CYP7B1: variants seen among roughly 807,000 people sequenced by gnomAD.
CYP7B1 encodes the protein cytochrome P450 7B1.
Under a neutral mutation model 42.7 loss-of-function variants are expected in CYP7B1, and 29 were observed. The ratio of observed to expected loss-of-function variants is 0.68; its 90% CI spans 0.51 to 0.93. CYP7B1 has a LOEUF of 0.93. Among genes scored for constraint, CYP7B1 ranks in the 40% least tolerant of loss-of-function variants. The probability of loss-of-function intolerance (pLI) is 0.00; values close to 1 mark genes in which losing one functional copy is unlikely to be tolerated. For synonymous variants in CYP7B1, 235 were observed against 218.2 expected (o/e 1.08, Z -0.68); for missense variants, 655 against 600.5 (o/e 1.09, Z -0.95).
At chr8:64,680,133 C>A (rs1454061474) in intron 1 of CYP7B1, among the ~76,000 whole-genome samples, 2 of 152,008 alleles carry the variant, frequency 1.3e-5, no homozygotes, top group Non-Finnish European at 2.9e-5. Flanking sequence ...GTAGATTCTA[C>A]CTACAAGTGA....
intron 1 of CYP7B1, among the ~76,000 whole-genome samples, chr8:64,781,759 G>T (rs1350643150): frequency 6.6e-6 from 1 of 152,040 alleles, no homozygotes; most frequent in African/African-American, 2.4e-5. Context: ...CCATGTAACC[G>T]AACATATTCA....
chr8:64,759,914 A>G (rs1281985320), intron 1 of CYP7B1, among the ~76,000 whole-genome samples: 1 of 152,178 alleles, frequency 6.6e-6, no homozygotes, highest in Non-Finnish European at 1.5e-5. Flanking sequence ...GAAGTTCACC[A>G]TTTTATTTTC....
At chr8:64,618,936 G>A (rs1192767780) in intron 2 of CYP7B1, among the ~76,000 whole-genome samples, 1 of 151,998 alleles carries the variant, frequency 6.6e-6, no homozygotes, top group Non-Finnish European at 1.5e-5. Flanking sequence ...TCAAGGCATT[G>A]TGTTTTACCT....
At chr8:64,653,800 C>G (rs546187819) in intron 1 of CYP7B1, among the ~76,000 whole-genome samples, 2 of 152,280 alleles carry the variant, frequency 1.3e-5, no homozygotes, top group African/African-American at 2.4e-5. Context: ...GTTAATATAC[C>G]ATGACCAAGT....
intron 1 of CYP7B1, among the ~76,000 whole-genome samples, chr8:64,750,867 C>T (rs1316868578): frequency 6.6e-6 from 1 of 152,210 alleles, no homozygotes; most frequent in Non-Finnish European, 1.5e-5. Context: ...CCAGGCACCA[C>T]GGCTTGGTAC....
intron 1 of CYP7B1, among the ~76,000 whole-genome samples, chr8:64,685,288 C>A (rs1252500062): frequency 4.3e-5 from 6 of 140,928 alleles, no homozygotes; most frequent in African/African-American, 8.0e-5. Flanking sequence ...GGCTGCCACC[C>A]CGTCTGGGAA....
chr8:64,765,090 A>T (rs1807951073), intron 1 of CYP7B1, among the ~76,000 whole-genome samples: 1 of 152,128 alleles, frequency 6.6e-6, no homozygotes, highest in South Asian at 2.1e-4. Flanking sequence ...AGTTGTTTGT[A>T]CTCAGCCAAG....
At chr8:64,757,353 T>C (rs1305918556) in intron 1 of CYP7B1, among the ~76,000 whole-genome samples, 2 of 152,210 alleles carry the variant, frequency 1.3e-5, no homozygotes, top group Non-Finnish European at 2.9e-5. Context: ...ACATAATAGG[T>C]ATTCCATAAA....
intron 1 of CYP7B1, among the ~76,000 whole-genome samples, chr8:64,788,493 T>C (rs1310287765): frequency 6.6e-6 from 1 of 152,220 alleles, no homozygotes; most frequent in Non-Finnish European, 1.5e-5. Flanking sequence ...GGTTCGTTGC[T>C]GTGCCTAAAT....
chr8:64,641,017 C>T (rs1805846916), intron 1 of CYP7B1, among the ~76,000 whole-genome samples: 1 of 152,178 alleles, frequency 6.6e-6, no homozygotes, highest in African/African-American at 2.4e-5. Context: ...AAAGAGGCTG[C>T]TTAGCTTGAA....
At chr8:64,785,757 C>A (rs1016800539) in intron 1 of CYP7B1, among the ~76,000 whole-genome samples, 1 of 152,002 alleles carries the variant, frequency 6.6e-6, no homozygotes, top group Non-Finnish European at 1.5e-5. Context: ...GGCCATGGAA[C>A]TATTCTGTAT....
At chr8:64,648,680 T>C (rs1383241619) in intron 1 of CYP7B1, among the ~76,000 whole-genome samples, 1 of 152,232 alleles carries the variant, frequency 6.6e-6, no homozygotes, top group Non-Finnish European at 1.5e-5. Flanking sequence ...AATAATTGTA[T>C]TTCCTTGTGA....
chr8:64,643,816 T>C (rs1293988166), intron 1 of CYP7B1, among the ~76,000 whole-genome samples: 3 of 152,232 alleles, frequency 2.0e-5, no homozygotes, highest in South Asian at 4.1e-4. Flanking sequence ...AACCACTCTT[T>C]CTGTTTCTCC....
chr8:64,767,918 G>A (rs1331959737), intron 1 of CYP7B1, among the ~76,000 whole-genome samples: 4 of 152,082 alleles, frequency 2.6e-5, no homozygotes, highest in South Asian at 2.1e-4. Context: ...CATCCCTCCC[G>A]AGGAAATCTC....
intron 1 of CYP7B1, among the ~76,000 whole-genome samples, chr8:64,762,819 C>T (rs1807909115): frequency 6.6e-6 from 1 of 152,122 alleles, no homozygotes; most frequent in South Asian, 2.1e-4. Context: ...TCTTCTCTAC[C>T]TATTTTATTA....
intron 1 of CYP7B1, among the ~76,000 whole-genome samples, chr8:64,735,593 T>C (rs1378509202): frequency 2.0e-5 from 3 of 152,236 alleles, no homozygotes; most frequent in East Asian, 3.8e-4. Flanking sequence ...TTTATTTTCA[T>C]GTATACATGA....
chr8:64,758,953 A>C (rs1418689039), intron 1 of CYP7B1, among the ~76,000 whole-genome samples: 2 of 152,216 alleles, frequency 1.3e-5, no homozygotes, highest in African/African-American at 4.8e-5. Context: ...TGGGACATTC[A>C]GACAATTTTA....
chr8:64,601,250 C>A (rs1805198648), intron 5 of CYP7B1, among the ~76,000 whole-genome samples: 1 of 152,172 alleles, frequency 6.6e-6, no homozygotes, highest in Admixed American at 6.5e-5. Context: ...ATTAAACAAA[C>A]AAGATCTTCC....
At chr8:64,598,458 T>A (rs8192905) in intron 5 of CYP7B1, among the ~76,000 whole-genome samples, 5 of 152,326 alleles carry the variant, frequency 3.3e-5, no homozygotes, top group African/African-American at 1.2e-4. Flanking sequence ...TGGTCCTCTA[T>A]CTACCTAACC....
Sources: allele counts gnomAD v4.1 joint callset (sites outside exome capture counted in the v4.1 genomes callset), GRCh38; gene constraint gnomAD v4.1.1; transcripts MANE v1.5; gene names NCBI Gene and HGNC (gene_info 2026-07-23, HGNC 2026-07-21).